Variants in MTHFD1 observed in about 807,000 individuals in gnomAD.
MTHFD1 encodes methylenetetrahydrofolate dehydrogenase, cyclohydrolase and formyltetrahydrofolate synthetase 1, also known as C-1-tetrahydrofolate synthase, cytoplasmic.
In MTHFD1, 44 loss-of-function variants were observed where a neutral mutation model predicts 110.3. The observed-to-expected ratio is 0.40, with a 90% CI of 0.31 to 0.51. MTHFD1 has a LOEUF of 0.51. Among genes scored for constraint, MTHFD1 ranks in the 20% least tolerant of loss-of-function variants. MTHFD1 has a pLI of 0.60. For synonymous variants in MTHFD1, 402 were observed against 428.8 expected (o/e 0.94, Z 0.77); for missense variants, 909 against 1,173.1 (o/e 0.77, Z 3.29).
intron 17 of MTHFD1, among the ~76,000 whole-genome samples, chr14:64,439,670 G>A (rs2078232903): frequency 6.6e-6 from 1 of 151,942 alleles, no homozygotes; most frequent in South Asian, 2.1e-4. Context: ...GGAGGCCGAG[G>A]CGGGCGGATC....
chr14:64,450,422 C>G (rs976911787), intron 24 of MTHFD1, among the ~76,000 whole-genome samples: 1 of 152,146 alleles, frequency 6.6e-6, no homozygotes, highest in Non-Finnish European at 1.5e-5. Context: ...CATGCAAAAC[C>G]AAAGTACTCC....
At chr14:64,410,408 G>GC (rs1566558595) in intron 2 of MTHFD1, among the ~76,000 whole-genome samples, 14 of 1,834 alleles carry the variant, frequency 7.6e-3, no homozygotes, top group Non-Finnish European at 0.024. Context: ...TTGTAAAGAT[G>GC]GGGGGGGGGG....
chr14:64,442,539 G>C (rs1191799199), intron 21 of MTHFD1, 137 bp downstream of exon 21: 5 of 921,214 alleles, frequency 5.4e-6, no homozygotes, highest in Non-Finnish European at 8.4e-6. Flanking sequence ...GGGACGGGCA[G>C]ACAGCCCTTG....
At chr14:64,412,626 C>A in intron 4 of MTHFD1, 101 bp downstream of exon 4, 1 of 761,622 alleles carries the variant, frequency 1.3e-6, no homozygotes, top group Non-Finnish European at 2.2e-6. Context: ...TAGCCAAGAC[C>A]TCCAGGTATT....
At chr14:64,419,993 C>G (rs2078056066) in intron 8 of MTHFD1, 68 bp downstream of exon 8, 7 of 1,093,892 alleles carry the variant, frequency 6.4e-6, no homozygotes, top group Non-Finnish European at 8.4e-6. Context: ...TCAAAAGAAG[C>G]CTGAGAGAGA....
At position 64,430,295 on chromosome 14, in the gene MTHFD1, A is replaced by C. The variant is rs1390381834; in HGVS notation, c.1311+65A>C. ...TTTTTGTCGGGGGGGAGGGTGCTGA[A>C]TTAGCTCCCTTTTTTTCCCCATGAC... On this transcript the variant is annotated intron_variant, in intron 13 of 27. Transcript: ENST00000652337. 4 of 1,420,324 alleles carry C rather than the reference A, an allele frequency of 2.8e-6. No homozygotes were observed. The African/African-American group carries it at 5.6e-5, about 20-fold the overall frequency. The allele number at this position is 1,420,324 out of a possible 1,614,324, so 88.0% of individuals were successfully genotyped here. A position where few individuals can be genotyped will look rare whatever the true frequency, so the allele number is the denominator to read the frequency against.
chr14:64,448,324 G>A lies in MTHFD1; in HGVS notation c.2279+7G>A. ...TGGCCGTGAATGCATTCAAGTAAGT[G>A]TAGAGTGTAAGCGAAAAGGATGAAT... On this transcript the variant is annotated splice_region_variant and intron_variant, in intron 23 of 27. Transcript: ENST00000652337. The A allele has an allele frequency of 1.3e-6, 2 of 1,595,414 alleles. No homozygotes were observed. Among genetic ancestry groups the A allele is most frequent in the South Asian group, 1.1e-5 (1 of 90,708 alleles).
intron 2 of MTHFD1, among the ~76,000 whole-genome samples, 178 bp from the exon 3 acceptor site, chr14:64,410,912 C>T (rs2077978448): frequency 6.6e-6 from 1 of 152,132 alleles, no homozygotes; most frequent in Non-Finnish European, 1.5e-5. Flanking sequence ...GGCTGTAACA[C>T]CATCTGTGTT....
intron 1 of MTHFD1, among the ~76,000 whole-genome samples, chr14:64,397,558 G>A (rs2077868121): frequency 6.6e-6 from 1 of 152,168 alleles, no homozygotes; most frequent in Non-Finnish European, 1.5e-5. Flanking sequence ...CTCCCAAAGT[G>A]CTGGGATTGC....
intron 15 of MTHFD1, 26 bp downstream of exon 15, chr14:64,431,887 T>G: frequency 6.3e-7 from 1 of 1,590,526 alleles, no homozygotes; most frequent in Middle Eastern, 1.7e-4. Context: ...TCCACATTTT[T>G]TATATTGTAT....
intron 1 of MTHFD1, among the ~76,000 whole-genome samples, chr14:64,395,385 T>C (rs555845958): frequency 1.3e-5 from 2 of 152,188 alleles, no homozygotes; most frequent in Non-Finnish European, 2.9e-5. Flanking sequence ...TGCCATCAAT[T>C]TGTTGGATCT....
chr14:64,394,971 C>T (rs1218338777), intron 1 of MTHFD1, among the ~76,000 whole-genome samples: 4 of 152,194 alleles, frequency 2.6e-5, no homozygotes, highest in Non-Finnish European at 5.9e-5. Context: ...GAGCCCTAGT[C>T]AGCTCTAGCG....
Position 64,448,323 on chromosome 14 carries a change from T to C in MTHFD1, c.2279+6T>C, listed in dbSNP as rs754650368. Reference sequence around the variant, plus strand: ...GTGGCCGTGAATGCATTCAAGTAAGTGTAGAGTGTAAGCGAAAAGGATGAA... The same window carrying C: ...GTGGCCGTGAATGCATTCAAGTAAGCGTAGAGTGTAAGCGAAAAGGATGAA... On this transcript the variant is annotated splice_donor_region_variant and intron_variant, in intron 23 of 27. Coordinates refer to ENST00000652337, the MANE Select transcript of MTHFD1 (RefSeq NM_005956.4). The C allele has an allele frequency of 1.9e-6, 3 of 1,595,232 alleles. No homozygotes were observed. The highest frequency in any genetic ancestry group is 2.6e-6 in the Non-Finnish European group (3 of 1,162,728).
chr14:64,428,102 G>GTTTTTTTTTT (rs11289659), intron 12 of MTHFD1, among the ~76,000 whole-genome samples: 1 of 74,686 alleles, frequency 1.3e-5, no homozygotes, highest in Non-Finnish European at 2.5e-5. Context: ...AAGAACATGT[G>GTTTTTTTTTT]TTTTTTTTTT....
At chr14:64,412,918 G>A (rs8018015) in intron 4 of MTHFD1, among the ~76,000 whole-genome samples, 10 of 151,690 alleles carry the variant, frequency 6.6e-5, no homozygotes, top group Middle Eastern at 3.4e-3. Context: ...GATTACAGGC[G>A]TGAGCCACCA....
chr14:64,448,420 T>C, intron 23 of MTHFD1, 103 bp downstream of exon 23: 1 of 921,694 alleles, frequency 1.1e-6, no homozygotes, highest in East Asian at 2.6e-5. Context: ...TTACTGCTAT[T>C]GGTTATAGCC....
Position 64,418,016 on chromosome 14 carries a change from G to C in MTHFD1, c.607G>C (p.Asp203His), listed in dbSNP as rs2078038503. Residue 203 changes from aspartate (D) to histidine (H), a missense_variant, in exon 7 of 28, where the codon GAT becomes CAT. Transcript: ENST00000652337. ...CTGCCACTCCAAGACTGCCCATCTG[G>C]ATGAGGAGGTAGGGTGTCCAGAGGA... is the stretch of plus-strand genomic sequence containing the variant. ...TTCHSKTAHL[D>H]EEVNKGDILV... is the part of the protein sequence containing the mutation. The C allele has an allele frequency of 1.2e-6, 2 of 1,614,074 alleles. No individual in the cohort carries two copies. Among genetic ancestry groups the C allele is most frequent in the African/African-American group, 2.7e-5 (2 of 74,934 alleles).
At chr14:64,411,253 C>T (rs2140952997) in intron 3 of MTHFD1, 104 bp downstream of exon 3, 1 of 802,714 alleles carries the variant, frequency 1.2e-6, no homozygotes, top group Non-Finnish European at 2.2e-6. Flanking sequence ...TTTTATCACC[C>T]ACAGGAGACA....
At chr14:64,425,432 A>AG (rs2078111243) in intron 9 of MTHFD1, among the ~76,000 whole-genome samples, 1 of 152,004 alleles carries the variant, frequency 6.6e-6, no homozygotes, top group African/African-American at 2.4e-5. Flanking sequence ...GCTGGTCTGG[A>AG]ACTCCCGACC....
Sources: allele counts gnomAD v4.1 joint callset (sites outside exome capture counted in the v4.1 genomes callset), GRCh38; gene constraint gnomAD v4.1.1; transcripts MANE v1.5; gene names NCBI Gene and HGNC (gene_info 2026-07-23, HGNC 2026-07-21).